Variants in RIMS1 observed in about 807,000 individuals in gnomAD.
RIMS1 encodes the protein regulating synaptic membrane exocytosis protein 1.
In RIMS1, 83 loss-of-function variants were observed where a neutral mutation model predicts 214.1. That is an observed-to-expected ratio of 0.39 (90% CI 0.32 to 0.47). The LOEUF (loss-of-function observed/expected upper bound fraction) is 0.47, where lower values mean the gene tolerates loss of function less well. RIMS1 is among the 20% of genes least tolerant of loss of function. The pLI, the probability that RIMS1 is intolerant of heterozygous loss-of-function variation, is 0.99. For missense variants in RIMS1, 2,050 were observed against 2,161.8 expected (o/e 0.95, Z 1.03); for synonymous variants, 793 against 786.8 (o/e 1.01, Z -0.13).
intron 5 of RIMS1, among the ~76,000 whole-genome samples, chr6:72,180,583 AATATGATCAGATTATTTACTTTG>A (rs1291628322): frequency 6.6e-6 from 1 of 152,238 alleles, no homozygotes; most frequent in Non-Finnish European, 1.5e-5. Context: ...AACAGGGACG[AATATGATCAGATTATTTACTTTG>A]ATTGATTCAT....
chr6:72,252,071 A>C (rs2073633928), intron 15 of RIMS1, among the ~76,000 whole-genome samples: 1 of 152,130 alleles, frequency 6.6e-6, no homozygotes, highest in African/African-American at 2.4e-5. Flanking sequence ...ATTAGAAGGT[A>C]TGTTTATTGC....
chr6:72,122,899 T>TA (rs1448141703), intron 4 of RIMS1, among the ~76,000 whole-genome samples: 42 of 151,428 alleles, frequency 2.8e-4, no homozygotes, highest in Non-Finnish European at 3.0e-5. Flanking sequence ...AGTGGTCTAT[T>TA]TTGTTGATCT....
At chr6:72,194,411 T>C (rs1056784205) in intron 6 of RIMS1, among the ~76,000 whole-genome samples, 1 of 152,110 alleles carries the variant, frequency 6.6e-6, no homozygotes, top group Non-Finnish European at 1.5e-5. Context: ...AGATATATAC[T>C]ACTATTTGTA....
chr6:71,966,665 G>C (rs1794521843), intron 1 of RIMS1, among the ~76,000 whole-genome samples: 1 of 152,064 alleles, frequency 6.6e-6, no homozygotes, highest in Admixed American at 6.6e-5. Flanking sequence ...GGGACTACAG[G>C]CATACCCCAC....
rs543590437 is a variant in RIMS1, at chr6:72,176,772, A to G, written c.472-2803A>G. 1.1e-3 allele frequency among the ~76,000 whole-genome samples: 169 copies of G among 152,360 alleles called. 1 individual carries two copies. Among genetic ancestry groups the G allele is most frequent in the African/African-American group, 4.0e-3 (165 of 41,590 alleles). On this transcript the variant is annotated intron_variant, in intron 4 of 33. Transcript: ENST00000521978. ...CAAAGCATCACAGACTTAAATGAAT[A>G]CAAAGTATTTTAAGAATAGAATTTA...
chr6:72,277,602 T>A (rs1477197214), intron 23 of RIMS1, among the ~76,000 whole-genome samples: 2 of 151,894 alleles, frequency 1.3e-5, no homozygotes, highest in Non-Finnish European at 2.9e-5. Context: ...AAAGAATATT[T>A]TCTAGAAATT....
At chr6:72,183,538 T>C (rs576952462) in intron 6 of RIMS1, among the ~76,000 whole-genome samples, 19 of 149,424 alleles carry the variant, frequency 1.3e-4, no homozygotes, top group African/African-American at 4.7e-4. Context: ...AAAAACCACA[T>C]CAGTTACGTA....
At chr6:72,383,215 T>A (rs1300252876) in intron 29 of RIMS1, among the ~76,000 whole-genome samples, 1 of 152,146 alleles carries the variant, frequency 6.6e-6, no homozygotes, top group East Asian at 1.9e-4. Context: ...TAAATACATA[T>A]AAAATAAACC....
rs755267071 is a variant in RIMS1 at position 72,400,560 on chromosome 6, T to G, written c.4925T>G (p.Leu1642Trp). 3 of 1,614,034 alleles carry G rather than the reference T, an allele frequency of 1.9e-6. No individual in the cohort carries two copies. The South Asian group carries it at 3.3e-5, about 18-fold the overall frequency. The change falls in exon 34 of 34, where the codon TTG becomes TGG. Residue 1642 changes from leucine to tryptophan, a missense_variant. Leu to Trp is a moderately conservative substitution (Grantham distance 61). Around this residue, in one of 6 missense-constraint regions of RIMS1, gnomAD observed 14 missense variants for 52.9 expected, o/e 0.26. Coordinates refer to ENST00000521978, the MANE Select transcript of RIMS1 (RefSeq NM_014989.7). The part of the protein sequence containing the change: ...HKCFMGVAQI[L>W]LEELDLSSMV... Reference sequence around the variant, plus strand: ...TGCTTTATGGGTGTGGCTCAGATCTTGTTGGAAGAACTCGACCTGTCCAGC... The same window carrying G: ...TGCTTTATGGGTGTGGCTCAGATCTGGTTGGAAGAACTCGACCTGTCCAGC...
chr6:71,935,362 C>A (rs1207931024), intron 1 of RIMS1, among the ~76,000 whole-genome samples: 8 of 152,100 alleles, frequency 5.3e-5, no homozygotes, highest in African/African-American at 9.7e-5. Context: ...GTATGTCAGA[C>A]ACAATCTTAC....
chr6:72,360,212 A>C (rs894739865), intron 29 of RIMS1, among the ~76,000 whole-genome samples: 1 of 152,220 alleles, frequency 6.6e-6, no homozygotes, highest in East Asian at 1.9e-4. Context: ...AAAAGCAAGA[A>C]GTAGCATCTA....
intron 9 of RIMS1, among the ~76,000 whole-genome samples, chr6:72,240,463 A>G (rs1373199963): frequency 6.6e-6 from 1 of 151,670 alleles, no homozygotes; most frequent in African/African-American, 2.4e-5. Context: ...TTTAGTGTAT[A>G]TATATATGTA....
chr6:72,296,870 C>A (rs559164742), intron 26 of RIMS1, among the ~76,000 whole-genome samples: 1 of 151,972 alleles, frequency 6.6e-6, no homozygotes, highest in South Asian at 2.1e-4. Context: ...TTTGCCCAAA[C>A]TGCTTGTCAG....
At chr6:71,950,666 T>G (rs1789186912) in intron 1 of RIMS1, among the ~76,000 whole-genome samples, 1 of 152,220 alleles carries the variant, frequency 6.6e-6, no homozygotes, top group Non-Finnish European at 1.5e-5. Flanking sequence ...TCTGTATGTG[T>G]GTCTGAGAAC....
chr6:72,380,435 C>A (rs764796453), intron 29 of RIMS1, among the ~76,000 whole-genome samples: 16 of 152,128 alleles, frequency 1.1e-4, no homozygotes, highest in Non-Finnish European at 1.6e-4. Flanking sequence ...GCATTTGCTT[C>A]TTTCTAGGCT....
At chr6:72,132,426 A>G (rs2153850863) in intron 4 of RIMS1, among the ~76,000 whole-genome samples, 1 of 152,316 alleles carries the variant, frequency 6.6e-6, no homozygotes. Context: ...AACATGTATT[A>G]CTTGAAAATA....
chr6:72,155,580 G>A lies in RIMS1; in HGVS notation c.472-23995G>A, dbSNP rs192912666. On this transcript the variant is annotated intron_variant, in intron 4 of 33. Coordinates refer to ENST00000521978, the MANE Select transcript of RIMS1 (RefSeq NM_014989.7). ...ATTGGACTTACAGTTCCACATGGCT[G>A]GGGAAGCCCCACAATCATGGTGGAA... Among the ~76,000 whole-genome samples the A allele has an allele frequency of 3.0e-3, 418 of 141,412 alleles. 32 individuals carry two copies. Among genetic ancestry groups the A allele is most frequent in the African/African-American group, 9.7e-3 (397 of 40,870 alleles). 92.8% of individuals were successfully genotyped at this position (141,412 alleles called of 152,430 possible). A position where few individuals can be genotyped will look rare whatever the true frequency, so the allele number is the denominator to read the frequency against.
Position 72,290,807 on chromosome 6 carries a change from C to G in RIMS1, c.3683C>G (p.Ser1228Cys). Residue 1228 changes from serine (S) to cysteine (C), a missense_variant, in exon 25 of 34, where the codon TCT becomes TGT. Ser to Cys is a moderately radical substitution (Grantham distance 112). This residue lies in a region of RIMS1 where 889 missense variants were observed against 885.5 expected (regional missense o/e 1.00). Coordinates refer to ENST00000521978, the MANE Select transcript of RIMS1 (RefSeq NM_014989.7). Reference sequence around the variant, plus strand: ...CACTCTAGTATCAGAACACTGTGTTCTATGCACCACCTTGTCCCTGGAGGG... The same window carrying G: ...CACTCTAGTATCAGAACACTGTGTTGTATGCACCACCTTGTCCCTGGAGGG... ...SEHSSIRTLC[S>C]MHHLVPGGSA... The G allele has an allele frequency of 1.9e-6, 3 of 1,613,712 alleles. No individual in the cohort carries two copies. The highest frequency in any genetic ancestry group is 2.5e-6 in the Non-Finnish European group (3 of 1,179,786).
At position 72,006,055 on chromosome 6, in the gene RIMS1, C is replaced by A. The variant is rs114014176; in HGVS notation, c.245+36992C>A. On this transcript the variant is annotated intron_variant, in intron 2 of 33. Coordinates refer to ENST00000521978, the MANE Select transcript of RIMS1 (RefSeq NM_014989.7). ...GTTGGGTTCTGGAAGTGGGGGCTTG[C>A]TTCCTGGTTTACCGATGGCCTTCTT... Among the ~76,000 whole-genome samples, 1,134 of 152,222 alleles carry A rather than the reference C, an allele frequency of 7.4e-3. 11 individuals are homozygous for A. The highest frequency in any genetic ancestry group is 0.026 in the African/African-American group (1,072 of 41,532).
Sources: allele counts gnomAD v4.1 joint callset (sites outside exome capture counted in the v4.1 genomes callset), GRCh38; gene constraint gnomAD v4.1.1; regional missense constraint gnomAD v4.1.1; transcripts MANE v1.5; gene names NCBI Gene and HGNC (gene_info 2026-07-23, HGNC 2026-07-21).